RALGPS1: variants seen among roughly 807,000 people sequenced by gnomAD.
RALGPS1 encodes Ral GEF with PH domain and SH3 binding motif 1, also known as ras-specific guanine nucleotide-releasing factor RalGPS1.
RALGPS1 carries 19 observed loss-of-function variants against 78.8 expected under a neutral mutation model. That is an observed-to-expected ratio of 0.24 (90% CI 0.17 to 0.35). The LOEUF (loss-of-function observed/expected upper bound fraction) is 0.35, where lower values mean the gene tolerates loss of function less well. RALGPS1 is among the 10% of genes least tolerant of loss of function. The pLI, the probability that RALGPS1 is intolerant of heterozygous loss-of-function variation, is 1.00. For missense variants in RALGPS1, 454 were observed against 688.3 expected, an observed-to-expected ratio of 0.66 and a Z score of 3.81; for synonymous variants, 228 against 256.3, an observed-to-expected ratio of 0.89 and a Z score of 1.06.
chr9:127,178,366 A>G (rs3739554), intron 11 of RALGPS1: 119,293 of 714,826 alleles, frequency 0.17, 10,710 homozygotes, highest in Middle Eastern at 0.26. Context: ...CAGACTACTC[A>G]GCATACTGCC....
intron 4 of RALGPS1, among the ~76,000 whole-genome samples, chr9:126,999,022 G>T (rs990811051): frequency 1.8e-4 from 1 of 5,480 alleles, no homozygotes; most frequent in South Asian, 9.6e-3. Context: ...CTGTTGTTGG[G>T]TGGGGGAGGG....
chr9:127,050,027 G>C lies in RALGPS1; in HGVS notation c.301-16G>C, dbSNP rs768856356. 2.5e-6 allele frequency: 4 copies of C among 1,585,158 alleles called. No individual in the cohort carries two copies. The South Asian group carries it at 4.4e-5, about 18-fold the overall frequency. On this transcript the variant is annotated splice_polypyrimidine_tract_variant and intron_variant, in intron 5 of 18. Transcript: ENST00000259351. ...CTGGTGTGTATGTGTGTATGTGTGT[G>C]TATTTGACTCTACAGGTCAGTTTTT...
chr9:126,965,163 G>A (rs528918447), intron 2 of RALGPS1, among the ~76,000 whole-genome samples: 2 of 152,278 alleles, frequency 1.3e-5, no homozygotes, highest in East Asian at 1.9e-4. Flanking sequence ...GATGCAGAGC[G>A]TCCTTAGCAC....
At chr9:126,989,750 G>A (rs1413753536) in intron 4 of RALGPS1, 2 of 1,226,890 alleles carry the variant, frequency 1.6e-6, no homozygotes, top group African/African-American at 1.5e-5. Flanking sequence ...TGGGACAAAG[G>A]AGGCATTCTG....
In RALGPS1 at chr9:127,205,225, T is replaced by A. The variant is rs1454949178; in HGVS notation, c.1247+6159T>A. On this transcript the variant is annotated intron_variant, in intron 14 of 18. Transcript: ENST00000259351. This position sits in a 1 kb window ranked among gnomAD's most constrained non-coding sequence, Gnocchi z 4.0. ...CCCTGGGCCATCTGTCCCAGCTTGG[T>A]GCATGACTCAGAGCCTGCAGCCTCT... 2.0e-5 allele frequency among the ~76,000 whole-genome samples: 3 copies of A among 152,190 alleles called. No individual in the cohort carries two copies.
rs111571755 is a variant in RALGPS1 at position 127,069,452 on chromosome 9, G to A, written c.610+96G>A. The A allele has an allele frequency of 7.8e-5, 110 of 1,413,486 alleles. 2 individuals carry two copies. The highest frequency in any genetic ancestry group is 2.3e-4 in the African/African-American group (16 of 69,778). The allele number at this position is 1,413,486 out of a possible 1,614,324, so 87.6% of individuals were successfully genotyped here. A position where few individuals can be genotyped will look rare whatever the true frequency, so the allele number is the denominator to read the frequency against. On this transcript the variant is annotated intron_variant, in intron 8 of 18. Transcript: ENST00000259351. Reference sequence around the variant, plus strand: ...TCTACCTGAAAAATTTCCAGGAAGCGACATGGCCCGTAGATAAAGAGGCAA... The same window carrying A: ...TCTACCTGAAAAATTTCCAGGAAGCAACATGGCCCGTAGATAAAGAGGCAA...
intron 4 of RALGPS1, among the ~76,000 whole-genome samples, chr9:126,991,230 T>C (rs1450299759): frequency 6.6e-6 from 1 of 152,174 alleles, no homozygotes; most frequent in Non-Finnish European, 1.5e-5. Flanking sequence ...ATTTATTTCA[T>C]GGTGGAGATA....
In RALGPS1 at chr9:127,218,290, T is replaced by C. The variant is rs770267157; in HGVS notation, c.1645-450T>C. Among the ~76,000 whole-genome samples the C allele has an allele frequency of 1.3e-5, 2 of 152,180 alleles. No individual in the cohort carries two copies. The highest frequency in any genetic ancestry group is 6.5e-5 in the Admixed American group (1 of 15,278). On this transcript the variant is annotated intron_variant, in intron 18 of 18. Transcript: ENST00000259351. The surrounding 1 kb of genome is among the most constrained non-coding windows in gnomAD (Gnocchi z 4.4). Reference sequence around the variant, plus strand: ...CCTGAACTGACTCTTTCTCCCATGCTTCCCTTTGCCAACTCCAGCCACCCA... The same window carrying C: ...CCTGAACTGACTCTTTCTCCCATGCCTCCCTTTGCCAACTCCAGCCACCCA...
chr9:126,947,692 C>G (rs774177921), intron 1 of RALGPS1, among the ~76,000 whole-genome samples: 2 of 152,182 alleles, frequency 1.3e-5, no homozygotes, highest in Non-Finnish European at 2.9e-5. Flanking sequence ...CTTTCACTTG[C>G]TCTGTAGCTG....
At chr9:126,929,439 A>T (rs779260718) in intron 1 of RALGPS1, among the ~76,000 whole-genome samples, 1 of 152,106 alleles carries the variant, frequency 6.6e-6, no homozygotes, top group African/African-American at 2.4e-5. Flanking sequence ...TTTAGTGATG[A>T]TAGAAATTTT....
At chr9:127,123,849 C>T (rs978565980) in intron 8 of RALGPS1, among the ~76,000 whole-genome samples, 1 of 152,220 alleles carries the variant, frequency 6.6e-6, no homozygotes, top group East Asian at 1.9e-4. Flanking sequence ...GGATGGCAGG[C>T]ACCAGGAAGG....
intron 8 of RALGPS1, among the ~76,000 whole-genome samples, chr9:127,076,919 G>T (rs1036132371): frequency 6.6e-6 from 1 of 152,246 alleles, no homozygotes; most frequent in Non-Finnish European, 1.5e-5. Context: ...CATTTTACAC[G>T]AAGATGACAG....
chr9:126,968,215 A>C (rs1375969958), intron 3 of RALGPS1, among the ~76,000 whole-genome samples: 2 of 151,992 alleles, frequency 1.3e-5, no homozygotes, highest in African/African-American at 2.4e-5. Context: ...GTTGGCCAGG[A>C]TGGTCTCAAT....
Position 127,024,036 on chromosome 9 carries a change from C to CAAAAAA in RALGPS1, c.217-10381_217-10376dup, listed in dbSNP as rs61549879. On this transcript the variant is annotated intron_variant, in intron 4 of 18. Transcript: ENST00000259351. ...TGGGTGACAGAGTAAGACTCTGTCT[C>CAAAAAA]AAAAAAAAAAAAAAAAAAAGGACAG... 2.7e-3 allele frequency among the ~76,000 whole-genome samples: 190 copies of CAAAAAA among 71,652 alleles called. 29 individuals are homozygous for CAAAAAA. Among genetic ancestry groups the CAAAAAA allele is most frequent in the Middle Eastern group, 0.01 (1 of 96 alleles). The allele number at this position is 71,652 out of a possible 152,430, so 47.0% of individuals were successfully genotyped here. A position where few individuals can be genotyped will look rare whatever the true frequency, so the allele number is the denominator to read the frequency against.
intron 8 of RALGPS1, among the ~76,000 whole-genome samples, chr9:127,137,536 G>A (rs1291673057): frequency 6.6e-6 from 1 of 152,222 alleles, no homozygotes; most frequent in Non-Finnish European, 1.5e-5. Context: ...CCTGCCAGTG[G>A]GGCTGTCCTG....
chr9:126,967,035 T>C (rs1343968834), intron 3 of RALGPS1, among the ~76,000 whole-genome samples: 1 of 152,158 alleles, frequency 6.6e-6, no homozygotes, highest in Non-Finnish European at 1.5e-5. Flanking sequence ...TCCTCTACCC[T>C]CTTTGGTAAA....
At chr9:127,188,766 G>T (rs184915327) in intron 11 of RALGPS1, among the ~76,000 whole-genome samples, 12 of 144,538 alleles carry the variant, frequency 8.3e-5, no homozygotes, top group African/African-American at 3.0e-4. Context: ...AGGAGCTTGA[G>T]ACCAGCCTGG....
chr9:127,100,766 T>C (rs1192720861), intron 8 of RALGPS1, among the ~76,000 whole-genome samples: 1 of 152,200 alleles, frequency 6.6e-6, no homozygotes, highest in Non-Finnish European at 1.5e-5. Context: ...TATGGACAGG[T>C]AGCAGTCCCA....
chr9:127,182,312 A>G (rs1177533308), intron 11 of RALGPS1, among the ~76,000 whole-genome samples: 1 of 143,386 alleles, frequency 7.0e-6, no homozygotes, highest in African/African-American at 2.6e-5. Flanking sequence ...CTACCTACCT[A>G]CCTTCCTTCC....
Sources: gnomAD v4.1 joint callset for allele counts (sites outside exome capture counted in the v4.1 genomes callset) on GRCh38, gnomAD v4.1.1 for gene constraint, Gnocchi (gnomAD v3.1) non-coding constraint, MANE v1.5 for transcripts, NCBI Gene and HGNC (gene_info 2026-07-23, HGNC 2026-07-21) for gene names.